The following CFAP57 variants were observed in gnomAD, a reference collection of about 807,000 sequenced individuals.
CFAP57 encodes the protein cilia- and flagella-associated protein 57.
In CFAP57, 116 loss-of-function variants were observed where a neutral mutation model predicts 146.8. The ratio of observed to expected loss-of-function variants is 0.79; its 90% CI spans 0.68 to 0.92. CFAP57 has a LOEUF of 0.92. Ranked by LOEUF, CFAP57 falls within the 40% of genes least tolerant of loss-of-function variation. The pLI is 0.00. For missense variants in CFAP57, 1,377 were observed against 1,527.2 expected, an observed-to-expected ratio of 0.90 and a Z score of 1.64; for synonymous variants, 518 against 552.8, an observed-to-expected ratio of 0.94 and a Z score of 0.88.
intron 21 of CFAP57, among the ~76,000 whole-genome samples, chr1:43,236,201 G>A (rs1645681342): frequency 6.6e-6 from 1 of 151,826 alleles, no homozygotes; most frequent in Non-Finnish European, 1.5e-5. Flanking sequence ...GGAGTCCTGT[G>A]GATCCAAATA....
At chr1:43,188,611 G>T (rs1643302197) in intron 6 of CFAP57, among the ~76,000 whole-genome samples, 1 of 152,112 alleles carries the variant, frequency 6.6e-6, no homozygotes, top group African/African-American at 2.4e-5. Context: ...AAAAAATTGA[G>T]TCATATGTCT....
intron 4 of CFAP57, among the ~76,000 whole-genome samples, chr1:43,184,187 T>C (rs1458656010): frequency 6.6e-6 from 1 of 152,268 alleles, no homozygotes; most frequent in Non-Finnish European, 1.5e-5. Context: ...AATTGATTCA[T>C]GTCCACCAAG....
At chr1:43,224,274 G>A in intron 17 of CFAP57, 70 bp downstream of exon 17, 1 of 1,440,178 alleles carries the variant, frequency 6.9e-7, no homozygotes. Flanking sequence ...AAAGCTCAGG[G>A]GAGAGAGGGT....
intron 18 of CFAP57, among the ~76,000 whole-genome samples, chr1:43,228,261 C>T (rs1645333061): frequency 6.6e-6 from 1 of 152,242 alleles, no homozygotes. Flanking sequence ...TCACGCTTTT[C>T]CATCTCAGGA....
chr1:43,196,841 A>G (rs1387048056), intron 6 of CFAP57, among the ~76,000 whole-genome samples: 1 of 152,170 alleles, frequency 6.6e-6, no homozygotes. Context: ...TCATTCATAC[A>G]ATTTTTCCCA....
At position 43,254,346 on chromosome 1, in the gene CFAP57, G is replaced by A. The variant is rs1376792165; in HGVS notation, c.*155G>A. ...GGGGAATTTGGGACACAGAATAAAG[G>A]TGTTTGCCCACACCTTGTCTAACTT... On this transcript the variant is annotated 3_prime_UTR_variant, in exon 23 of 23. Transcript: ENST00000372492. 2 of 668,532 alleles carry A rather than the reference G, an allele frequency of 3.0e-6. No individual in the cohort carries two copies. Among genetic ancestry groups the A allele is most frequent in the East Asian group, 2.7e-5 (1 of 36,372 alleles). 41.4% of individuals were successfully genotyped at this position (668,532 alleles called of 1,614,324 possible).
At chr1:43,214,396 C>T (rs1644755290) in intron 11 of CFAP57, among the ~76,000 whole-genome samples, 1 of 152,082 alleles carries the variant, frequency 6.6e-6, no homozygotes, top group Non-Finnish European at 1.5e-5. Context: ...GTGGCTTTTT[C>T]CACTCAGCTA....
chr1:43,224,315 T>C, intron 17 of CFAP57, 111 bp downstream of exon 17: 1 of 1,263,026 alleles, frequency 7.9e-7, no homozygotes. Flanking sequence ...TTTCTTTAAC[T>C]TGATGGGGGA....
In CFAP57 at chr1:43,181,687, A is replaced by C. The variant is rs1447062161; in HGVS notation, c.311A>C (p.Asp104Ala). The C allele has an allele frequency of 1.1e-5, 17 of 1,614,164 alleles. No homozygotes were observed. The highest frequency in any genetic ancestry group is 1.7e-5 in the Admixed American group (1 of 60,014). ...CRKRKVLNNF[D>A]FQVQKFISMA... Reference sequence around the variant, plus strand: ...AAGCGCAAAGTTCTTAATAATTTTGACTTCCAAGTTCAGAAATTTATTAGC... The same window carrying C: ...AAGCGCAAAGTTCTTAATAATTTTGCCTTCCAAGTTCAGAAATTTATTAGC... Residue 104 changes from aspartate to alanine, a missense_variant, in exon 3 of 23, where the codon GAC (aspartate) becomes GCC (alanine). Coordinates refer to ENST00000372492, the MANE Select transcript of CFAP57 (RefSeq NM_001378189.1).
At chr1:43,236,590 TAAAAAAAAAAAAAAAA>T (rs764205138) in intron 21 of CFAP57, among the ~76,000 whole-genome samples, 1 of 41,802 alleles carries the variant, frequency 2.4e-5, no homozygotes, top group African/African-American at 1.2e-4. Context: ...GAATAAGTGC[TAAAAAAAAAAAAAAAA>T]AAAAAAAAAA....
intron 9 of CFAP57, among the ~76,000 whole-genome samples, chr1:43,203,526 T>G (rs1644225068): frequency 6.6e-6 from 1 of 152,172 alleles, no homozygotes; most frequent in African/African-American, 2.4e-5. Context: ...AGTGGCACCA[T>G]CTCGGCTCAC....
Position 43,201,631 on chromosome 1 carries a change from T to C in CFAP57, c.1542+2128T>C, listed in dbSNP as rs1241890414. ...CTCCCAAGTAACACAAACTCTTTTTTTGAGACAGAGTTTCGCTTTCGTTGC... is the reference window on the plus strand; with the variant it reads ...CTCCCAAGTAACACAAACTCTTTTTCTGAGACAGAGTTTCGCTTTCGTTGC... On this transcript the variant is annotated intron_variant, in intron 9 of 22. Coordinates refer to ENST00000372492, the MANE Select transcript of CFAP57 (RefSeq NM_001378189.1). This position sits in a 1 kb window ranked among gnomAD's most constrained non-coding sequence, Gnocchi z 4.4. 1.3e-5 allele frequency among the ~76,000 whole-genome samples: 2 copies of C among 152,144 alleles called. No individual in the cohort carries two copies. Among genetic ancestry groups the C allele is most frequent in the South Asian group, 2.1e-4 (1 of 4,822 alleles).
intron 18 of CFAP57, among the ~76,000 whole-genome samples, chr1:43,231,576 G>A (rs192558142): frequency 3.9e-5 from 6 of 151,990 alleles, no homozygotes; most frequent in African/African-American, 1.2e-4. Flanking sequence ...CTTTCAGCCC[G>A]GGCGCAGTGG....
At chr1:43,233,657 T>C (rs775923302) in intron 19 of CFAP57, among the ~76,000 whole-genome samples, 5 of 152,090 alleles carry the variant, frequency 3.3e-5, no homozygotes, top group African/African-American at 4.8e-5. Context: ...ATAATAGTTA[T>C]ATTGAGAGGT....
Position 43,172,785 on chromosome 1 carries a change from T to G in CFAP57, c.32T>G (p.Val11Gly), listed in dbSNP as rs1645026752. The G allele has an allele frequency of 6.2e-7, 1 of 1,613,904 alleles. No individual in the cohort carries two copies. The highest frequency in any genetic ancestry group is 1.3e-5 in the African/African-American group (1 of 74,908). Residue 11 changes from valine to glycine, a missense_variant, in exon 2 of 23, where the codon GTT becomes GGT. Val to Gly is a moderately radical substitution (Grantham distance 109). Transcript: ENST00000372492. MSAVVAQTLH[V>G]FGLRSHVANN... ...GCCGTGGTAGCTCAGACGCTGCATG[T>G]TTTTGGTCTTCGATCCCACGTGGCC...
At chr1:43,245,734 G>C (rs1201980527) in intron 22 of CFAP57, among the ~76,000 whole-genome samples, 2 of 152,152 alleles carry the variant, frequency 1.3e-5, no homozygotes, top group African/African-American at 2.4e-5. Context: ...CAACACAGTG[G>C]CTAAAAACAG....
intron 22 of CFAP57, among the ~76,000 whole-genome samples, chr1:43,244,858 G>A (rs533977790): frequency 3.5e-4 from 53 of 152,090 alleles, no homozygotes; most frequent in African/African-American, 1.2e-3. Flanking sequence ...AGCTCAGATT[G>A]CACTACCGCA....
chr1:43,216,658 T>C (rs1644844743), intron 12 of CFAP57, among the ~76,000 whole-genome samples: 1 of 152,178 alleles, frequency 6.6e-6, no homozygotes, highest in African/African-American at 2.4e-5. Context: ...ACCATCCTTG[T>C]GACCACACTC....
At position 43,248,942 on chromosome 1, in the gene CFAP57, C is replaced by T. The variant is rs532741489; in HGVS notation, c.3539-5035C>T. On this transcript the variant is annotated intron_variant, in intron 22 of 22. Transcript: ENST00000372492. ...TGTCACCCAGGCTGGAGTGCAGTGGCGTGATCTCGGCTCAGTGCAAGCTCC... is the reference window on the plus strand; with the variant it reads ...TGTCACCCAGGCTGGAGTGCAGTGGTGTGATCTCGGCTCAGTGCAAGCTCC... Among the ~76,000 whole-genome samples the T allele has an allele frequency of 5.9e-5, 9 of 151,774 alleles. No homozygotes were observed. The South Asian group carries it at 1.5e-3, about 25-fold the overall frequency.
Sources: allele counts gnomAD v4.1 joint callset (sites outside exome capture counted in the v4.1 genomes callset), GRCh38; gene constraint gnomAD v4.1.1; non-coding constraint Gnocchi (gnomAD v3.1); transcripts MANE v1.5; gene names NCBI Gene and HGNC (gene_info 2026-07-23, HGNC 2026-07-21).